The following KIF7 variants were observed in gnomAD, a reference collection of about 807,000 sequenced individuals.
The protein encoded by KIF7 is kinesin family member 7, also known as kinesin-like protein KIF7.
In KIF7, 104 loss-of-function variants were observed where a neutral mutation model predicts 135.7. That is an observed-to-expected ratio of 0.77 (90% CI 0.65 to 0.90). KIF7 has a LOEUF of 0.90. Among genes scored for constraint, KIF7 ranks in the 40% least tolerant of loss-of-function variants. The probability of loss-of-function intolerance (pLI) is 0.00; values close to 1 mark genes in which losing one functional copy is unlikely to be tolerated. For synonymous variants in KIF7, 883 were observed against 809.4 expected (o/e 1.09, Z -1.54); for missense variants, 2,005 against 1,839.1 (o/e 1.09, Z -1.65).
At chr15:89,653,269 A>G (rs1964154274) in intron 1 of KIF7, among the ~76,000 whole-genome samples, 1 of 152,134 alleles carries the variant, frequency 6.6e-6, no homozygotes. Context: ...GAACGCACAC[A>G]CACAGCACCA....
At position 89,629,567 on chromosome 15, in the gene KIF7, TCA is replaced by T. The variant is rs773747323; in HGVS notation, c.3323_3324del (p.Val1108AspfsTer69). The T allele has an allele frequency of 3.7e-6, 6 of 1,605,672 alleles. No homozygotes were observed. The highest frequency in any genetic ancestry group is 5.1e-6 in the Non-Finnish European group (6 of 1,179,942). On this transcript the variant is annotated frameshift_variant, in exon 17 of 19. Transcript: ENST00000394412. LOFTEE classifies it high-confidence loss of function. ...TGCTGGTGCTGCTCCTCTCGGAGCGTCACCACCTGTCCCAAGACCCAGCCAGG... is the reference window on the plus strand; with the variant it reads ...TGCTGGTGCTGCTCCTCTCGGAGCGTCCACCTGTCCCAAGACCCAGCCAGG... The part of the protein sequence containing the change: ...ALLCKYFDKV[V>X]TLREEQHQQQ...
downstream of KIF7, chr15:89,623,811 A>G (rs1320110966): frequency 6.2e-7 from 1 of 1,613,740 alleles, no homozygotes; most frequent in Non-Finnish European, 8.5e-7. Context: ...GCCATGACTC[A>G]CCATTGGATT....
downstream of KIF7, chr15:89,627,179 C>T (rs1310603110): frequency 2.7e-6 from 4 of 1,507,322 alleles, no homozygotes; most frequent in South Asian, 1.2e-5. Context: ...CCTCTTTTGC[C>T]ATGGTCAGTG....
In KIF7 at chr15:89,648,449, C is replaced by A; in HGVS notation, c.1249G>T (p.Asp417Tyr). 1 of 1,089,110 alleles carries A rather than the reference C, an allele frequency of 9.2e-7. No homozygotes were observed. Among genetic ancestry groups the A allele is most frequent in the South Asian group, 4.2e-5 (1 of 23,584 alleles). 67.5% of individuals were successfully genotyped at this position (1,089,110 alleles called of 1,614,324 possible). The change falls in exon 5 of 19, where the codon GAC becomes TAC. Residue 417 changes from aspartate to tyrosine, a missense_variant. Transcript: ENST00000394412. Reference sequence around the variant, plus strand: ...TCGCGCAAGAGGCTGTAGGCGGCGTCGGTGCAGGCCCGGTAGCGCGCGCAC... The same window carrying A: ...TCGCGCAAGAGGCTGTAGGCGGCGTAGGTGCAGGCCCGGTAGCGCGCGCAC... ...AECARYRACTDAAYSLLRELQ... is the reference protein window; with the variant it reads ...AECARYRACTYAAYSLLRELQ...
upstream of KIF7, among the ~76,000 whole-genome samples, chr15:89,659,603 TAAAC>T (rs1350635601): frequency 6.6e-6 from 1 of 152,134 alleles, no homozygotes; most frequent in African/African-American, 2.4e-5. Flanking sequence ...AAATATTAAA[TAAAC>T]AATGTTCAAT....
Position 89,652,601 on chromosome 15 carries a change from A to C in KIF7, c.328+2T>G, listed in dbSNP as rs781752990. 3.2e-5 allele frequency: 48 copies of C among 1,516,792 alleles called. No individual in the cohort carries two copies. The highest frequency in any genetic ancestry group is 4.1e-5 in the Non-Finnish European group (46 of 1,123,056). 94.0% of individuals were successfully genotyped at this position (1,516,792 alleles called of 1,614,324 possible). On this transcript the variant is annotated splice_donor_variant, in intron 2 of 18. Coordinates refer to ENST00000394412, the MANE Select transcript of KIF7 (RefSeq NM_198525.3). LOFTEE classifies it high-confidence loss of function. ...CACAGGGCCACGAACAGGGTCACTC[A>C]CCCACACTGGCCTCCCCCATGGTGT...
intron 11 of KIF7, among the ~76,000 whole-genome samples, chr15:89,638,755 A>G (rs1355539774): frequency 1.3e-5 from 2 of 151,998 alleles, no homozygotes; most frequent in African/African-American, 4.8e-5. Context: ...ATCCCCATCA[A>G]GCTACCAATG....
chr15:89,629,579 C>T lies in KIF7; in HGVS notation c.3319-6G>A. On this transcript the variant is annotated splice_polypyrimidine_tract_variant and splice_region_variant and intron_variant, in intron 16 of 18. Coordinates refer to ENST00000394412, the MANE Select transcript of KIF7 (RefSeq NM_198525.3). ...TCCTCTCGGAGCGTCACCACCTGTC[C>T]CAAGACCCAGCCAGGCTCAGCCCTC... The T allele has an allele frequency of 6.2e-7, 1 of 1,604,498 alleles. No homozygotes were observed. Among genetic ancestry groups the T allele is most frequent in the Non-Finnish European group, 8.5e-7 (1 of 1,179,964 alleles).
chr15:89,621,355 A>G, intron 1 of KIF7: 1 of 1,578,228 alleles, frequency 6.3e-7, no homozygotes, highest in Middle Eastern at 1.7e-4. Flanking sequence ...ACAGGAATTG[A>G]GAAAGAATTA....
downstream of KIF7, chr15:89,627,143 A>G: frequency 1.9e-6 from 3 of 1,603,414 alleles, no homozygotes; most frequent in South Asian, 3.3e-5. Flanking sequence ...CTGTGGACAT[A>G]AAGAAGTTGG....
Position 89,633,255 on chromosome 15 carries a change from C to T in KIF7, c.2604G>A (p.Leu868=), listed in dbSNP as rs745948145. The change falls in exon 13 of 19, where the codon CTG becomes CTA. Residue 868 remains leucine, a synonymous_variant. Coordinates refer to ENST00000394412, the MANE Select transcript of KIF7 (RefSeq NM_198525.3). The part of the protein sequence containing the change: ...KRQHRVKELE[L]KHEQQQKILK... The stretch of plus-strand genomic sequence containing the variant: ...GGATCTTCTGCTGTTGCTCATGCTT[C>T]AGCTCCAGCTCCTGGGTGAGGAGCT... The T allele has an allele frequency of 3.8e-6, 6 of 1,570,502 alleles. No homozygotes were observed. The South Asian group carries it at 5.8e-5, about 15-fold the overall frequency.
downstream of KIF7, chr15:89,625,629 G>A (rs771902491): frequency 6.2e-7 from 1 of 1,613,438 alleles, no homozygotes; most frequent in Non-Finnish European, 8.5e-7. Context: ...TGAGTTCCAG[G>A]AAGAGAGTCC....
chr15:89,625,744 T>C, downstream of KIF7: 1 of 1,612,846 alleles, frequency 6.2e-7, no homozygotes, highest in Non-Finnish European at 8.5e-7. Flanking sequence ...TTGGAGTGCA[T>C]GGCAGCTACC....
chr15:89,635,721 G>T (rs563466954), intron 11 of KIF7, among the ~76,000 whole-genome samples: 3 of 152,060 alleles, frequency 2.0e-5, no homozygotes, highest in Non-Finnish European at 2.9e-5. Context: ...TGAAAGTGAC[G>T]GGGAGAATGG....
chr15:89,646,127 C>A, intron 7 of KIF7, 101 bp from the exon 8 acceptor site: 1 of 1,445,682 alleles, frequency 6.9e-7, no homozygotes, highest in Non-Finnish European at 9.6e-7. Context: ...CCCTGCCTTA[C>A]CTTCGTGATC....
chr15:89,625,448 T>TGTCACTGCTTGA, downstream of KIF7: 5 of 1,613,958 alleles, frequency 3.1e-6, no homozygotes, highest in Non-Finnish European at 4.2e-6. Context: ...CCTGGGAGCC[T>TGTCACTGCTTGA]GTCACTGCTT....
At chr15:89,625,929 T>C, downstream of KIF7, 2 of 1,557,584 alleles carry the variant, frequency 1.3e-6, no homozygotes, top group Non-Finnish European at 8.6e-7. Context: ...ATGTGGGATC[T>C]CTTTAGGCTC....
chr15:89,630,725 G>A (rs1256575158), intron 15 of KIF7: 15 of 593,770 alleles, frequency 2.5e-5, no homozygotes, highest in Non-Finnish European at 4.5e-5. Context: ...AAGCCTCTGT[G>A]AATGATCTAC....
In KIF7 at chr15:89,652,771, G is replaced by A. The variant is rs794727315; in HGVS notation, c.160C>T (p.His54Tyr). ...GCCAGCACCACGTGGAAGCCAAAGT[G>A]TCGGTCACGGCCCAGAGTGACGCGG... The part of the protein sequence containing the change: ...LGRVTLGRDR[H>Y]FGFHVVLAED... Residue 54 changes from histidine (H) to tyrosine (Y), a missense_variant, in exon 2 of 19, where the codon CAC becomes TAC. By Grantham distance (83) the His-to-Tyr change is moderately conservative (BLOSUM62 2). Transcript: ENST00000394412. 28 of 1,551,640 alleles carry A rather than the reference G, an allele frequency of 1.8e-5. No homozygotes were observed. In the East Asian group the frequency reaches 5.1e-4, roughly 28 times the overall value.
Sources: gnomAD v4.1 joint callset for allele counts (sites outside exome capture counted in the v4.1 genomes callset) on GRCh38, gnomAD v4.1.1 for gene constraint, MANE v1.5 for transcripts, NCBI Gene and HGNC (gene_info 2026-07-23, HGNC 2026-07-21) for gene names.